Variants in AKAP9 observed in about 807,000 individuals in gnomAD.
AKAP9 encodes the protein A-kinase anchor protein 9.
In AKAP9, 311 loss-of-function variants were observed where a neutral mutation model predicts 488.5. The observed-to-expected ratio is 0.64, with a 90% CI of 0.58 to 0.70. The LOEUF (loss-of-function observed/expected upper bound fraction) is 0.70, where lower values mean the gene tolerates loss of function less well. Ranked by LOEUF, AKAP9 falls within the 30% of genes least tolerant of loss-of-function variation. The pLI, the probability that AKAP9 is intolerant of heterozygous loss-of-function variation, is 0.00. For synonymous variants in AKAP9, 1,462 were observed against 1,483.5 expected (o/e 0.99, Z 0.33); for missense variants, 4,215 against 4,374.5 (o/e 0.96, Z 1.03).
chr7:91,951,992 C>G (rs899786712), intron 1 of AKAP9, among the ~76,000 whole-genome samples: 1 of 152,196 alleles, frequency 6.6e-6, no homozygotes, highest in East Asian at 1.9e-4. Flanking sequence ...CTGTCTAGTT[C>G]CCTTGCCTCT....
chr7:91,950,862 T>G (rs1001315840), intron 1 of AKAP9, among the ~76,000 whole-genome samples: 1 of 152,192 alleles, frequency 6.6e-6, no homozygotes, highest in South Asian at 2.1e-4. Context: ...TGGCTGAAAG[T>G]TACAGAAACT....
At chr7:92,003,890 T>C (rs1584052752) in intron 8 of AKAP9, among the ~76,000 whole-genome samples, 1 of 152,208 alleles carries the variant, frequency 6.6e-6, no homozygotes, top group East Asian at 1.9e-4. Flanking sequence ...AATTCTGCTA[T>C]CTACAATGTA....
At chr7:92,013,376 T>C (rs1225690813) in intron 9 of AKAP9, among the ~76,000 whole-genome samples, 1 of 151,914 alleles carries the variant, frequency 6.6e-6, no homozygotes, top group African/African-American at 2.4e-5. Context: ...GAGTTCAAGG[T>C]GTGTGAGAAA....
intron 26 of AKAP9, among the ~76,000 whole-genome samples, chr7:92,067,375 A>G (rs1810938267): frequency 6.6e-6 from 1 of 152,138 alleles, no homozygotes; most frequent in Admixed American, 6.5e-5. Context: ...CAAGCATAAA[A>G]CATTTTTCTT....
intron 3 of AKAP9, among the ~76,000 whole-genome samples, chr7:91,983,084 G>A (rs1408360835): frequency 2.0e-5 from 3 of 151,272 alleles, no homozygotes; most frequent in Non-Finnish European, 4.4e-5. Context: ...TTAAGTTCTA[G>A]GGTACATGTG....
At position 92,059,171 on chromosome 7, in the gene AKAP9, A is replaced by G. The variant is rs370457506; in HGVS notation, c.5602-2089A>G. On this transcript the variant is annotated intron_variant, in intron 22 of 49. Coordinates refer to ENST00000356239, the MANE Select transcript of AKAP9 (RefSeq NM_005751.5). The stretch of plus-strand genomic sequence containing the variant: ...TGCAACTTTTATATTAAAGTGACAG[A>G]ATATTAACTGATACTTTACATGTAC... Among the ~76,000 whole-genome samples, 20 of 152,086 alleles carry G rather than the reference A, an allele frequency of 1.3e-4. No homozygotes were observed. The South Asian group carries it at 4.1e-3, about 32-fold the overall frequency.
At chr7:92,030,057 C>G (rs1371193002) in intron 15 of AKAP9, 66 bp downstream of exon 15, 6 of 1,101,200 alleles carry the variant, frequency 5.4e-6, no homozygotes, top group East Asian at 2.6e-5. Context: ...ATTTTTATGT[C>G]TGGTTTACTA....
In AKAP9 at chr7:92,079,605, A is replaced by G. The variant is rs748300250; in HGVS notation, c.7472A>G (p.Lys2491Arg). 3.1e-6 allele frequency: 5 copies of G among 1,613,964 alleles called. No homozygotes were observed. Among genetic ancestry groups the G allele is most frequent in the Non-Finnish European group, 4.2e-6 (5 of 1,179,992 alleles). Reference protein sequence around the residue: ...TYFKSFEENGKGSIINLETRL... With the variant: ...TYFKSFEENGRGSIINLETRL... ...TTCAAATCTTTTGAAGAAAATGGCA[A>G]AGGTTCCATAATTAATTTGGAAACA... is the stretch of plus-strand genomic sequence containing the variant. Residue 2491 changes from lysine (K) to arginine (R), a missense_variant, in exon 31 of 50, where the codon AAA (lysine) becomes AGA (arginine). Transcript: ENST00000356239.
chr7:92,093,208 A>G lies in AKAP9; in HGVS notation c.9470A>G (p.Glu3157Gly). 1 of 1,614,196 alleles carries G rather than the reference A, an allele frequency of 6.2e-7. No individual in the cohort carries two copies. The highest frequency in any genetic ancestry group is 8.5e-7 in the Non-Finnish European group (1 of 1,180,024). ...GAACTGCAGGAGCAGCTGAGTTCTGAGAAAATGGTGGTTGCTGAACTGAAG... is the reference window on the plus strand; with the variant it reads ...GAACTGCAGGAGCAGCTGAGTTCTGGGAAAATGGTGGTTGCTGAACTGAAG... ...ATELQEQLSS[E>G]KMVVAELKSE... The change falls in exon 39 of 50, where the codon GAG becomes GGG. Residue 3157 changes from glutamate to glycine, a missense_variant. Coordinates refer to ENST00000356239, the MANE Select transcript of AKAP9 (RefSeq NM_005751.5).
At chr7:92,098,946 AT>A in intron 43 of AKAP9, among the ~76,000 whole-genome samples, 1 of 152,214 alleles carries the variant, frequency 6.6e-6, no homozygotes, top group Admixed American at 6.5e-5. Flanking sequence ...TATATTTTCA[AT>A]TAGTTACTAA....
intron 3 of AKAP9, among the ~76,000 whole-genome samples, chr7:91,987,755 C>T (rs1269505350): frequency 1.3e-5 from 2 of 152,040 alleles, no homozygotes; most frequent in Non-Finnish European, 2.9e-5. Flanking sequence ...GCCATATCCA[C>T]CTATTCAGGA....
chr7:92,031,177 A>C (rs1033439083), intron 15 of AKAP9, among the ~76,000 whole-genome samples: 2 of 152,224 alleles, frequency 1.3e-5, no homozygotes, highest in Non-Finnish European at 2.9e-5. Flanking sequence ...CCACTGTTTA[A>C]CATTTTACTT....
chr7:92,033,904 CAG>C, intron 16 of AKAP9, among the ~76,000 whole-genome samples: 1 of 152,242 alleles, frequency 6.6e-6, no homozygotes, highest in Middle Eastern at 3.4e-3. Flanking sequence ...TGAAGTATAA[CAG>C]AGAATAAAAG....
rs1478962687 is a variant in AKAP9, at chr7:92,061,515, C to A, written c.5764+93C>A. 2.1e-6 allele frequency: 3 copies of A among 1,399,058 alleles called. No individual in the cohort carries two copies. The African/African-American group carries it at 4.4e-5, about 21-fold the overall frequency. The allele number at this position is 1,399,058 out of a possible 1,614,324, so 86.7% of individuals were successfully genotyped here. Reference sequence around the variant, plus strand: ...ACAGCCAGGTTTGGAAGCCGTCAATCCAATTTAGAATGACCATTAAAAAGT... The same window carrying A: ...ACAGCCAGGTTTGGAAGCCGTCAATACAATTTAGAATGACCATTAAAAAGT... On this transcript the variant is annotated intron_variant, in intron 23 of 49. Transcript: ENST00000356239.
chr7:92,048,169 T>C (rs1197196088), intron 21 of AKAP9, among the ~76,000 whole-genome samples: 2 of 152,190 alleles, frequency 1.3e-5, no homozygotes, highest in Non-Finnish European at 1.5e-5. Context: ...TTTGACAGTT[T>C]TATGTTTTTT....
intron 1 of AKAP9, among the ~76,000 whole-genome samples, chr7:91,955,932 C>T (rs917746974): frequency 4.6e-5 from 7 of 152,130 alleles, no homozygotes; most frequent in African/African-American, 4.8e-5. Flanking sequence ...TGCACCCAAC[C>T]GCCTTGAATT....
chr7:92,082,479 T>A (rs1054486508), intron 31 of AKAP9, 43 bp from the exon 32 acceptor site: 6 of 1,600,508 alleles, frequency 3.7e-6, no homozygotes, highest in South Asian at 3.3e-5. Flanking sequence ...TTAGCTATAT[T>A]TTTTTTAAAT....
intron 20 of AKAP9, among the ~76,000 whole-genome samples, chr7:92,044,137 AAG>A (rs555247769): frequency 1.7e-4 from 26 of 152,350 alleles, no homozygotes; most frequent in African/African-American, 5.5e-4. Context: ...ATATATTTAT[AAG>A]AGAGGCAGGA....
At chr7:92,071,086 C>A in intron 28 of AKAP9, 77 bp downstream of exon 28, 1 of 1,364,162 alleles carries the variant, frequency 7.3e-7, no homozygotes, top group Non-Finnish European at 1.0e-6. Context: ...ATTATTTGAA[C>A]TGAATGTAGT....
Sources: allele counts gnomAD v4.1 joint callset (sites outside exome capture counted in the v4.1 genomes callset), GRCh38; gene constraint gnomAD v4.1.1; transcripts MANE v1.5; gene names NCBI Gene and HGNC (gene_info 2026-07-23, HGNC 2026-07-21).